The following VSX2 variants were observed in gnomAD, a reference collection of about 807,000 sequenced individuals.
VSX2 encodes visual system homeobox 2.
Under a neutral mutation model 32.1 loss-of-function variants are expected in VSX2, and 28 were observed. That is an observed-to-expected ratio of 0.87 (90% CI 0.65 to 1.20). The LOEUF is 1.20. VSX2 is among the 50% of genes most tolerant of loss of function. The pLI is 0.00. For missense variants in VSX2, 506 were observed against 488.7 expected, an observed-to-expected ratio of 1.04 and a Z score of -0.33; for synonymous variants, 243 against 214.1, an observed-to-expected ratio of 1.14 and a Z score of -1.18.
rs1390956364 is a variant in VSX2 at position 74,248,346 on chromosome 14, A to C, written c.579+3058A>C. On this transcript the variant is annotated intron_variant, in intron 3 of 4. Transcript: ENST00000261980. ...TTTGAGACCAGGCTAAAAAAAAAAA[A>C]AAAAACAAAAAAAACCAAAAACGAG... Among the ~76,000 whole-genome samples, 44 of 139,176 alleles carry C rather than the reference A, an allele frequency of 3.2e-4. 1 individual carries two copies. The highest frequency in any genetic ancestry group is 3.9e-3 in the Middle Eastern group (1 of 258). The allele number at this position is 139,176 out of a possible 152,430, so 91.3% of individuals were successfully genotyped here.
rs1034595415 is a variant in VSX2, at chr14:74,244,979, T to A, written c.456-186T>A. ...GTGTGTGTGTGTGTGTGTGTGTGTG[T>A]GTGAGAGAGAGAGAGAGAGAGAGAG... On this transcript the variant is annotated intron_variant, in intron 2 of 4. Coordinates refer to ENST00000261980, the MANE Select transcript of VSX2 (RefSeq NM_182894.3). Among the ~76,000 whole-genome samples, 64 of 39,090 alleles carry A rather than the reference T, an allele frequency of 1.6e-3. 6 individuals are homozygous for A. Among genetic ancestry groups the A allele is most frequent in the African/African-American group, 4.0e-3 (40 of 9,936 alleles). The allele number at this position is 39,090 out of a possible 152,430, so 25.6% of individuals were successfully genotyped here.
chr14:74,255,407 G>A (rs2079257094), intron 3 of VSX2, among the ~76,000 whole-genome samples: 1 of 152,180 alleles, frequency 6.6e-6, no homozygotes, highest in Non-Finnish European at 1.5e-5. Flanking sequence ...AATTGGAGCA[G>A]CATCTGGTCT....
intron 1 of VSX2, among the ~76,000 whole-genome samples, chr14:74,240,594 C>G (rs2079142811): frequency 6.6e-6 from 1 of 152,182 alleles, no homozygotes; most frequent in South Asian, 2.1e-4. Flanking sequence ...CCCGCTCGAA[C>G]CTCCGATTCC....
chr14:74,241,213 A>G lies in VSX2; in HGVS notation c.402A>G (p.Lys134=). The G allele has an allele frequency of 1.2e-6, 2 of 1,613,508 alleles. No individual in the cohort carries two copies. Among genetic ancestry groups the G allele is most frequent in the African/African-American group, 2.7e-5 (2 of 75,050 alleles). ...AAGATGTTTCCTCCAGCGATCGAAA[A>G]ATGTCCAAATCTGCTTTAAACCAGA... ...DSEDVSSSDR[K]MSKSALNQTK... is the part of the protein sequence containing the mutation. Residue 134 remains lysine (K), a synonymous_variant, in exon 2 of 5, where the codon AAA becomes AAG. Coordinates refer to ENST00000261980, the MANE Select transcript of VSX2 (RefSeq NM_182894.3).
chr14:74,242,736 A>G (rs2079159023), intron 2 of VSX2, among the ~76,000 whole-genome samples: 1 of 151,954 alleles, frequency 6.6e-6, no homozygotes, highest in African/African-American at 2.4e-5. Flanking sequence ...AGGCAGGGAC[A>G]GGGACCTTGC....
At chr14:74,239,990 G>A (rs2139628884) in intron 1 of VSX2, 59 bp downstream of exon 1, 1 of 1,535,334 alleles carries the variant, frequency 6.5e-7, no homozygotes, top group East Asian at 2.5e-5. Flanking sequence ...GGAGCCCCGC[G>A]CCGTCGGCTC....
At chr14:74,242,561 TG>T (rs1377817227) in intron 2 of VSX2, among the ~76,000 whole-genome samples, 2 of 152,170 alleles carry the variant, frequency 1.3e-5, no homozygotes, top group African/African-American at 2.4e-5. Context: ...TTGTTTAGTT[TG>T]TATTGTTTTA....
intron 3 of VSX2, among the ~76,000 whole-genome samples, chr14:74,249,627 A>AT (rs2079216957): frequency 1.3e-5 from 2 of 152,128 alleles, no homozygotes; most frequent in Admixed American, 1.3e-4. Context: ...TCCTACACCC[A>AT]TTTTCTAGAT....
intron 2 of VSX2, among the ~76,000 whole-genome samples, 182 bp downstream of exon 2, chr14:74,241,448 G>A (rs1166155453): frequency 1.3e-5 from 2 of 152,250 alleles, no homozygotes; most frequent in Non-Finnish European, 2.9e-5. Flanking sequence ...GTCGGCACCG[G>A]TTGAGCAGGA....
At chr14:74,260,135 T>C (rs1427108240) in intron 4 of VSX2, among the ~76,000 whole-genome samples, 2 of 152,170 alleles carry the variant, frequency 1.3e-5, no homozygotes, top group Non-Finnish European at 2.9e-5. Flanking sequence ...CCCTGGGGGT[T>C]GAGAGAACCC....
chr14:74,244,734 G>A (rs1477419033), intron 2 of VSX2, among the ~76,000 whole-genome samples: 1 of 151,816 alleles, frequency 6.6e-6, no homozygotes, highest in Non-Finnish European at 1.5e-5. Context: ...CTTTCCCCCA[G>A]AGCACCTCCA....
At chr14:74,257,341 C>G (rs1252962381) in intron 3 of VSX2, among the ~76,000 whole-genome samples, 2 of 152,246 alleles carry the variant, frequency 1.3e-5, no homozygotes, top group Non-Finnish European at 1.5e-5. Flanking sequence ...AGGCCTTGCA[C>G]CTGTGCTTCC....
Position 74,244,438 on chromosome 14 carries a change from C to T in VSX2, c.456-727C>T, listed in dbSNP as rs115661893. On this transcript the variant is annotated intron_variant, in intron 2 of 4. Transcript: ENST00000261980. The stretch of plus-strand genomic sequence containing the variant: ...GGAGGCTGGTAGGTCTGGGTGATGT[C>T]GAGGAAGGGCAGGGGAGGAGGAAGG... 8.8e-3 allele frequency among the ~76,000 whole-genome samples: 1,332 copies of T among 151,110 alleles called. 23 individuals are homozygous for T. The highest frequency in any genetic ancestry group is 0.054 in the East Asian group (277 of 5,156).
At chr14:74,240,075 C>T (rs772582010) in intron 1 of VSX2, 144 bp downstream of exon 1, 28 of 1,125,692 alleles carry the variant, frequency 2.5e-5, no homozygotes, top group Non-Finnish European at 3.2e-5. Context: ...CTTGGGCCGA[C>T]GCGCCTGGTG....
rs967459935 is a variant in VSX2, at chr14:74,249,185, A to C, written c.579+3897A>C. The stretch of plus-strand genomic sequence containing the variant: ...TAATATTTTTTCATAATGCTAACTT[A>C]ATAAAAACAGTGTTGTTACTGGCAT... On this transcript the variant is annotated intron_variant, in intron 3 of 4. Coordinates refer to ENST00000261980, the MANE Select transcript of VSX2 (RefSeq NM_182894.3). Among the ~76,000 whole-genome samples the C allele has an allele frequency of 2.6e-5, 4 of 152,238 alleles. No homozygotes were observed. In the East Asian group the frequency reaches 7.7e-4, roughly 29 times the overall value.
At chr14:74,244,946 G>C (rs1015262656) in intron 2 of VSX2, among the ~76,000 whole-genome samples, 1 of 37,782 alleles carries the variant, frequency 2.6e-5, no homozygotes, top group Non-Finnish European at 5.1e-5. Context: ...GAGAGAGAAA[G>C]TGTGTGTGTG....
intron 2 of VSX2, 108 bp from the exon 3 acceptor site, chr14:74,245,057 C>A: frequency 1.3e-6 from 2 of 1,482,374 alleles, no homozygotes; most frequent in East Asian, 2.3e-5. Context: ...CTGAGCCAGC[C>A]TGGGTTCGGG....
chr14:74,257,122 C>T (rs2079268774), intron 3 of VSX2, among the ~76,000 whole-genome samples: 3 of 152,184 alleles, frequency 2.0e-5, no homozygotes, highest in African/African-American at 7.2e-5. Flanking sequence ...CACAGCTAGT[C>T]GGGCACACAT....
chr14:74,261,063 G>C lies in VSX2; in HGVS notation c.*144G>C. 4.1e-6 allele frequency: 4 copies of C among 965,616 alleles called. No individual in the cohort carries two copies. Among genetic ancestry groups the C allele is most frequent in the Non-Finnish European group, 6.2e-6 (4 of 648,146 alleles). The allele number at this position is 965,616 out of a possible 1,614,324, so 59.8% of individuals were successfully genotyped here. ...CACAGGTCCTCCATCACCCCTGGTG[G>C]CTGCAGGCACCGCTGGGTTCTGACT... On this transcript the variant is annotated 3_prime_UTR_variant, in exon 5 of 5. Transcript: ENST00000261980.
Sources: allele counts gnomAD v4.1 joint callset (sites outside exome capture counted in the v4.1 genomes callset), GRCh38; gene constraint gnomAD v4.1.1; transcripts MANE v1.5; gene names NCBI Gene and HGNC (gene_info 2026-07-23, HGNC 2026-07-21).